MAD1L1: variants seen among roughly 807,000 people sequenced by gnomAD.
MAD1L1 encodes mitotic arrest deficient 1 like 1, also known as mitotic spindle assembly checkpoint protein MAD1.
MAD1L1 carries 95 observed loss-of-function variants against 96.9 expected under a neutral mutation model. The observed-to-expected ratio is 0.98, with a 90% CI of 0.83 to 1.16. The LOEUF is 1.16. Among genes scored for constraint, MAD1L1 ranks in the 50% most tolerant of loss-of-function variants. MAD1L1 has a pLI of 0.00. For synonymous variants in MAD1L1, 473 were observed against 396.6 expected (o/e 1.19, Z -2.29); for missense variants, 1,007 against 954.4 (o/e 1.06, Z -0.73).
At position 1,815,971 on chromosome 7, in the gene MAD1L1, GGA is replaced by G; in HGVS notation, c.*97_*98del. On this transcript the variant is annotated 3_prime_UTR_variant, in exon 19 of 19. Coordinates refer to ENST00000265854, the MANE Select transcript of MAD1L1 (RefSeq NM_001013836.2). Reference sequence around the variant, plus strand: ...AGTCATGCTGCTGCCCTGTGGGGCTGGAGAGGCAGGACGTGCACCCAGCCTGT... The same window carrying G: ...AGTCATGCTGCTGCCCTGTGGGGCTGGAGGCAGGACGTGCACCCAGCCTGT... The G allele has an allele frequency of 7.4e-7, 1 of 1,348,874 alleles. No individual in the cohort carries two copies. The highest frequency in any genetic ancestry group is 1.4e-5 in the South Asian group (1 of 69,502). 83.6% of individuals were successfully genotyped at this position (1,348,874 alleles called of 1,614,324 possible).
At chr7:2,056,165 A>G (rs925757680) in intron 12 of MAD1L1, among the ~76,000 whole-genome samples, 4 of 152,208 alleles carry the variant, frequency 2.6e-5, no homozygotes, top group African/African-American at 9.6e-5. Context: ...AAACCCCTGG[A>G]GGGTCACAGA....
At chr7:2,048,342 G>C (rs1028785305) in intron 12 of MAD1L1, among the ~76,000 whole-genome samples, 4 of 152,152 alleles carry the variant, frequency 2.6e-5, no homozygotes, top group Non-Finnish European at 5.9e-5. Context: ...CTCATCCAAC[G>C]ACAAATTCCT....
chr7:2,174,141 G>A (rs1188310282), intron 10 of MAD1L1, among the ~76,000 whole-genome samples: 1 of 152,206 alleles, frequency 6.6e-6, no homozygotes, highest in African/African-American at 2.4e-5. Context: ...CTTTTTTAAA[G>A]ACTTTGCAAA....
chr7:2,225,343 G>A (rs2115017647), intron 4 of MAD1L1, 67 bp downstream of exon 4: 2 of 1,569,730 alleles, frequency 1.3e-6, no homozygotes, highest in East Asian at 2.2e-5. Flanking sequence ...TAACCTGGCA[G>A]GTACCGTGCA....
At chr7:1,900,068 G>A (rs940841386) in intron 17 of MAD1L1, among the ~76,000 whole-genome samples, 12 of 152,204 alleles carry the variant, frequency 7.9e-5, no homozygotes, top group African/African-American at 2.4e-4. Context: ...GGAGGCCACC[G>A]CCGAGAGCGC....
intron 18 of MAD1L1, among the ~76,000 whole-genome samples, chr7:1,893,139 G>A (rs1413390794): frequency 1.3e-5 from 2 of 152,298 alleles, no homozygotes; most frequent in Middle Eastern, 3.4e-3. Context: ...GAGGAGCAGA[G>A]GCAGCAGGTT....
chr7:1,999,076 A>G (rs1781681148), intron 14 of MAD1L1, among the ~76,000 whole-genome samples: 1 of 151,760 alleles, frequency 6.6e-6, no homozygotes, highest in South Asian at 2.1e-4. Flanking sequence ...TAACCCGCTC[A>G]CTGAAGCAGG....
chr7:2,192,411 C>A (rs972752849), intron 10 of MAD1L1, among the ~76,000 whole-genome samples: 20 of 152,280 alleles, frequency 1.3e-4, no homozygotes, highest in African/African-American at 4.8e-4. Context: ...GGATAACAGG[C>A]GTGAGCCACC....
intron 10 of MAD1L1, among the ~76,000 whole-genome samples, chr7:2,152,785 G>T (rs1355216582): frequency 1.3e-5 from 2 of 152,174 alleles, no homozygotes; most frequent in African/African-American, 4.8e-5. Flanking sequence ...TAACTTTATG[G>T]ATGTGGAAGG....
chr7:1,957,959 G>A (rs1779798423), intron 15 of MAD1L1, among the ~76,000 whole-genome samples: 2 of 152,242 alleles, frequency 1.3e-5, no homozygotes, highest in Non-Finnish European at 2.9e-5. Context: ...AGCCTGTGCG[G>A]AGAAAGTCTC....
intron 18 of MAD1L1, among the ~76,000 whole-genome samples, chr7:1,875,961 C>T (rs573365828): frequency 8.5e-5 from 13 of 152,310 alleles, no homozygotes; most frequent in South Asian, 4.1e-4. Context: ...AAGGGGCGGC[C>T]GTCCACAAGC....
chr7:2,031,173 A>C (rs1351453740), intron 12 of MAD1L1, among the ~76,000 whole-genome samples: 1 of 152,120 alleles, frequency 6.6e-6, no homozygotes, highest in Non-Finnish European at 1.5e-5. Flanking sequence ...CTCAGAGAGG[A>C]AGCACGGGGT....
chr7:2,024,739 C>T (rs145193203), intron 12 of MAD1L1, among the ~76,000 whole-genome samples: 112 of 152,176 alleles, frequency 7.4e-4, no homozygotes, highest in African/African-American at 2.4e-3. Context: ...GTCACTTTGG[C>T]GACGACCCCA....
intron 16 of MAD1L1, among the ~76,000 whole-genome samples, chr7:1,950,613 C>T (rs1042087650): frequency 5.3e-5 from 8 of 152,206 alleles, no homozygotes; most frequent in Non-Finnish European, 7.3e-5. Context: ...CAGTCGACCC[C>T]ACACGGGAGC....
chr7:2,091,306 G>A (rs1786199854), intron 11 of MAD1L1, among the ~76,000 whole-genome samples: 1 of 152,072 alleles, frequency 6.6e-6, no homozygotes, highest in Non-Finnish European at 1.5e-5. Flanking sequence ...TCAGCTCCCT[G>A]TTGCTGGGTG....
chr7:2,083,833 C>T (rs1007955038), intron 11 of MAD1L1, among the ~76,000 whole-genome samples: 1 of 152,242 alleles, frequency 6.6e-6, no homozygotes, highest in Non-Finnish European at 1.5e-5. Context: ...TCTCCAGGAC[C>T]TCCTGGTTGG....
chr7:1,886,101 G>A (rs1441302189), intron 18 of MAD1L1, among the ~76,000 whole-genome samples: 1 of 152,234 alleles, frequency 6.6e-6, no homozygotes, highest in Non-Finnish European at 1.5e-5. Context: ...CCGTGGGCAT[G>A]TTTACCTTCT....
intron 10 of MAD1L1, among the ~76,000 whole-genome samples, chr7:2,164,606 G>A (rs1268709065): frequency 7.5e-6 from 1 of 132,844 alleles, no homozygotes; most frequent in Non-Finnish European, 1.6e-5. Flanking sequence ...GGGGGGGGGG[G>A]GTTGCGGGTG....
chr7:2,050,752 C>A lies in MAD1L1; in HGVS notation c.1218+18442G>T, dbSNP rs11762413. 6.4e-3 allele frequency among the ~76,000 whole-genome samples: 949 copies of A among 148,914 alleles called. 8 individuals are homozygous for A. The highest frequency in any genetic ancestry group is 0.016 in the African/African-American group (609 of 38,498). On this transcript the variant is annotated intron_variant, in intron 12 of 18. Transcript: ENST00000265854. Reference sequence around the variant, plus strand: ...CAGTACCCCCGAGGGCGGCTCAGTCCTCAGCAGGCCCACCCACCTGTGCCT... The same window carrying A: ...CAGTACCCCCGAGGGCGGCTCAGTCATCAGCAGGCCCACCCACCTGTGCCT...
Sources: allele counts gnomAD v4.1 joint callset (sites outside exome capture counted in the v4.1 genomes callset), GRCh38; gene constraint gnomAD v4.1.1; transcripts MANE v1.5; gene names NCBI Gene and HGNC (gene_info 2026-07-23, HGNC 2026-07-21).